The following TENM2 variants were observed in gnomAD, a reference collection of about 807,000 sequenced individuals.
TENM2 encodes teneurin transmembrane protein 2.
TENM2 carries 52 observed loss-of-function variants against 245.2 expected under a neutral mutation model. The observed-to-expected ratio is 0.21, with a 90% CI of 0.17 to 0.27. TENM2 has a LOEUF of 0.27. Among genes scored for constraint, TENM2 ranks in the 10% least tolerant of loss-of-function variants. TENM2 has a pLI of 1.00. For synonymous variants in TENM2, 1,363 were observed against 1,438.9 expected (o/e 0.95, Z 1.19); for missense variants, 3,046 against 3,666.8 (o/e 0.83, Z 4.37).
chr5:168,170,336 T>C (rs1304906032), intron 13 of TENM2, among the ~76,000 whole-genome samples: 3 of 152,026 alleles, frequency 2.0e-5, no homozygotes, highest in Non-Finnish European at 4.4e-5. Flanking sequence ...AAACTCTGTC[T>C]CTACTAAAAA....
At chr5:167,203,256 T>C in the TENM2 span, among the ~76,000 whole-genome samples, 1 of 152,162 alleles carries the variant, frequency 6.6e-6, no homozygotes, top group Admixed American at 6.6e-5. Flanking sequence ...TGCAACTTCC[T>C]AGTCTCCATT....
At chr5:168,172,557 G>A (rs1758941416) in intron 13 of TENM2, among the ~76,000 whole-genome samples, 1 of 152,206 alleles carries the variant, frequency 6.6e-6, no homozygotes, top group African/African-American at 2.4e-5. Context: ...TTCAGAACCT[G>A]GGTCAAGAAC....
chr5:167,709,363 A>C (rs1336615750), intron 2 of TENM2, among the ~76,000 whole-genome samples: 2 of 152,106 alleles, frequency 1.3e-5, no homozygotes, highest in Non-Finnish European at 2.9e-5. Context: ...TCTTATTTGA[A>C]TTTCATTTCA....
intron 2 of TENM2, among the ~76,000 whole-genome samples, chr5:167,646,592 T>C (rs1779980859): frequency 6.6e-6 from 1 of 151,962 alleles, no homozygotes; most frequent in African/African-American, 2.4e-5. Flanking sequence ...TTTGCTTCAG[T>C]TGGACAAACG....
intron 2 of TENM2, among the ~76,000 whole-genome samples, chr5:167,388,230 G>A (rs1342935563): frequency 2.0e-5 from 3 of 152,052 alleles, no homozygotes; most frequent in Non-Finnish European, 4.4e-5. Context: ...AATTCTTCCT[G>A]ATTTAAGCTA....
chr5:167,318,968 A>C (rs1022212442), intron 1 of TENM2, among the ~76,000 whole-genome samples: 1 of 152,246 alleles, frequency 6.6e-6, no homozygotes, highest in Non-Finnish European at 1.5e-5. Context: ...ATATTTCCTT[A>C]GCAGAATGTT....
At chr5:168,257,265 T>C (rs1344702603) in intron 27 of TENM2, among the ~76,000 whole-genome samples, 1 of 151,470 alleles carries the variant, frequency 6.6e-6, no homozygotes, top group East Asian at 1.9e-4. Context: ...GGACTAGGGA[T>C]TGCAAGAGGT....
the TENM2 span, among the ~76,000 whole-genome samples, chr5:167,198,849 C>T: frequency 5.3e-4 from 80 of 152,012 alleles, no homozygotes; most frequent in East Asian, 0.011. Context: ...ACAGCAACAG[C>T]GGCAGGAGAA....
intron 2 of TENM2, among the ~76,000 whole-genome samples, chr5:167,563,443 A>G (rs1053837945): frequency 6.6e-6 from 1 of 152,258 alleles, no homozygotes. Flanking sequence ...CTCCTTGACC[A>G]CAAGGCTACT....
intron 12 of TENM2, among the ~76,000 whole-genome samples, chr5:168,135,124 C>T (rs1754932943): frequency 6.6e-6 from 1 of 152,186 alleles, no homozygotes; most frequent in Non-Finnish European, 1.5e-5. Flanking sequence ...AAAATCAAGA[C>T]TCTCATTGAT....
chr5:167,175,141 A>G, the TENM2 span, among the ~76,000 whole-genome samples: 1 of 152,200 alleles, frequency 6.6e-6, no homozygotes, highest in Non-Finnish European at 1.5e-5. Context: ...TAAACAAGGG[A>G]ACACCGACAT....
At chr5:167,681,762 G>A (rs750848980) in intron 2 of TENM2, among the ~76,000 whole-genome samples, 38 of 152,184 alleles carry the variant, frequency 2.5e-4, no homozygotes, top group Admixed American at 6.6e-4. Flanking sequence ...ATTAGTGTAG[G>A]AGTACCCAGT....
intron 13 of TENM2, among the ~76,000 whole-genome samples, chr5:168,187,951 A>C (rs1488265379): frequency 6.6e-6 from 1 of 152,178 alleles, no homozygotes; most frequent in African/African-American, 2.4e-5. Flanking sequence ...CTGTGTCTGC[A>C]TTTCTAGGAA....
chr5:167,015,854 C>A, the TENM2 span, among the ~76,000 whole-genome samples: 29 of 152,152 alleles, frequency 1.9e-4, no homozygotes, highest in Admixed American at 1.2e-3. Flanking sequence ...CCATTGAGAC[C>A]AAAGACAGTT....
At chr5:167,468,437 C>T (rs372308856) in intron 2 of TENM2, among the ~76,000 whole-genome samples, 2 of 152,190 alleles carry the variant, frequency 1.3e-5, no homozygotes, top group Non-Finnish European at 1.5e-5. Flanking sequence ...AACAAAACTT[C>T]AGGTGTTCAG....
At chr5:167,911,184 A>T (rs185293650) in intron 3 of TENM2, among the ~76,000 whole-genome samples, 1 of 152,178 alleles carries the variant, frequency 6.6e-6, no homozygotes, top group African/African-American at 2.4e-5. Context: ...TGTAGAATGG[A>T]GTTGTTTCAC....
At chr5:167,417,736 G>C (rs774238597) in intron 2 of TENM2, among the ~76,000 whole-genome samples, 5 of 152,170 alleles carry the variant, frequency 3.3e-5, no homozygotes, top group Non-Finnish European at 5.9e-5. Context: ...GTAAGAGGAA[G>C]AGCCAGGGCC....
chr5:167,195,853 C>T, the TENM2 span, among the ~76,000 whole-genome samples: 1 of 151,968 alleles, frequency 6.6e-6, no homozygotes, highest in Admixed American at 6.6e-5. Flanking sequence ...ACAGTCTGAT[C>T]TACACACCTG....
At chr5:167,478,112 A>T (rs1346493741) in intron 2 of TENM2, among the ~76,000 whole-genome samples, 2 of 152,224 alleles carry the variant, frequency 1.3e-5, no homozygotes, top group Non-Finnish European at 2.9e-5. Flanking sequence ...GAAAACATGA[A>T]GTTGCAGTGT....
Sources: allele counts gnomAD v4.1 joint callset (sites outside exome capture counted in the v4.1 genomes callset), GRCh38; gene constraint gnomAD v4.1.1; transcripts MANE v1.5; gene names NCBI Gene and HGNC (gene_info 2026-07-23, HGNC 2026-07-21).